EYA3: variants seen among roughly 807,000 people sequenced by gnomAD.
EYA3 encodes the protein protein phosphatase EYA3.
A neutral mutation model predicts 80.0 loss-of-function variants in EYA3; 39 were observed. The ratio of observed to expected loss-of-function variants is 0.49; its 90% CI spans 0.38 to 0.64. The LOEUF is 0.64. EYA3 is among the 30% of genes least tolerant of loss of function. EYA3 has a pLI of 0.00. For synonymous variants in EYA3, 206 were observed against 232.8 expected (o/e 0.88, Z 1.05); for missense variants, 523 against 676.1 (o/e 0.77, Z 2.51).
intron 8 of EYA3, 86 bp downstream of exon 8, chr1:28,017,068 C>G (rs1642117130): frequency 3.3e-6 from 4 of 1,195,034 alleles, no homozygotes; most frequent in Non-Finnish European, 4.9e-6. Flanking sequence ...CTGGTTGTTT[C>G]TTAGATAGGC....
rs769808039 is a variant in EYA3 at position 28,039,407 on chromosome 1, T to C, written c.158-502A>G. On this transcript the variant is annotated intron_variant, in intron 4 of 17. Transcript: ENST00000373871. ...CTGCTATGCATAATCAACAGCAGAA[T>C]AGATGCAAGTATGCTTCTATACTAT... Among the ~76,000 whole-genome samples the C allele has an allele frequency of 5.3e-5, 8 of 152,348 alleles. No homozygotes were observed. In the South Asian group the frequency reaches 6.2e-4, roughly 12 times the overall value.
intron 3 of EYA3, 116 bp downstream of exon 3, chr1:28,048,267 C>A: frequency 3.4e-6 from 2 of 593,544 alleles, no homozygotes; most frequent in East Asian, 3.0e-5. Context: ...CAAAATGTAA[C>A]AGCTGATGGT....
At position 28,047,734 on chromosome 1, in the gene EYA3, G is replaced by A. The variant is rs547783198; in HGVS notation, c.77+649C>T. Among the ~76,000 whole-genome samples, 5 of 151,752 alleles carry A rather than the reference G, an allele frequency of 3.3e-5. No individual in the cohort carries two copies. In the South Asian group the frequency reaches 1.0e-3, roughly 32 times the overall value. On this transcript the variant is annotated intron_variant, in intron 3 of 17. Transcript: ENST00000373871. Reference sequence around the variant, plus strand: ...GCTCACCGCAAGCTCCACCTCCCAGGTTCACACCATTCTCCTGCCTCAGCC... The same window carrying A: ...GCTCACCGCAAGCTCCACCTCCCAGATTCACACCATTCTCCTGCCTCAGCC...
At chr1:28,078,086 A>T (rs1219074963) in intron 1 of EYA3, among the ~76,000 whole-genome samples, 3 of 152,220 alleles carry the variant, frequency 2.0e-5, no homozygotes, top group Non-Finnish European at 4.4e-5. Context: ...AGTGTTTGTT[A>T]AAGAAAAATA....
At chr1:28,063,878 T>C (rs1045906623) in intron 1 of EYA3, among the ~76,000 whole-genome samples, 1 of 152,278 alleles carries the variant, frequency 6.6e-6, no homozygotes, top group East Asian at 1.9e-4. Context: ...TGAAATCACC[T>C]TAAGCAACCT....
chr1:27,979,334 C>A (rs549103237), intron 16 of EYA3, among the ~76,000 whole-genome samples: 7 of 152,286 alleles, frequency 4.6e-5, no homozygotes, highest in African/African-American at 9.6e-5. Context: ...GAGAGAACAG[C>A]CCCAGAATAG....
In EYA3 at chr1:28,086,803, T is replaced by C. The variant is rs533776748; in HGVS notation, c.-69+1721A>G. Reference sequence around the variant, plus strand: ...CTAGGTAGTGGGGAGGAGGTACACATAAGAAACTTTCAAAGAGGCTTCACT... The same window carrying C: ...CTAGGTAGTGGGGAGGAGGTACACACAAGAAACTTTCAAAGAGGCTTCACT... On this transcript the variant is annotated intron_variant, in intron 1 of 17. Transcript: ENST00000373871. 9.9e-5 allele frequency among the ~76,000 whole-genome samples: 15 copies of C among 152,198 alleles called. 1 individual carries two copies. Among genetic ancestry groups the C allele is most frequent in the Middle Eastern group, 3.4e-3 (1 of 294 alleles).
chr1:28,035,927 G>A (rs1204850337), intron 5 of EYA3, among the ~76,000 whole-genome samples: 4 of 152,026 alleles, frequency 2.6e-5, no homozygotes, highest in Non-Finnish European at 5.9e-5. Context: ...CAATTCTTCT[G>A]CCTCAGCCTC....
At chr1:28,042,437 C>A in intron 4 of EYA3, 134 bp downstream of exon 4, 1 of 706,738 alleles carries the variant, frequency 1.4e-6, no homozygotes, top group Non-Finnish European at 2.4e-6. Flanking sequence ...GATAAACACA[C>A]ACAAAAACAA....
intron 1 of EYA3, among the ~76,000 whole-genome samples, chr1:28,075,550 C>A (rs1645170828): frequency 6.6e-6 from 1 of 152,114 alleles, no homozygotes; most frequent in South Asian, 2.1e-4. Flanking sequence ...TCGATCTATC[C>A]CTTCCAGTGG....
chr1:28,038,079 T>G (rs1429002229), intron 5 of EYA3, among the ~76,000 whole-genome samples: 1 of 130,962 alleles, frequency 7.6e-6, no homozygotes, highest in African/African-American at 3.0e-5. Flanking sequence ...ACATAACCTC[T>G]TAGTGACTAA....
At chr1:28,073,127 ATTT>A (rs1180868021) in intron 1 of EYA3, among the ~76,000 whole-genome samples, 175 of 14,930 alleles carry the variant, frequency 0.012, no homozygotes, top group Non-Finnish European at 0.014. Context: ...ATATATATAT[ATTT>A]TTTTTTTTTT....
intron 2 of EYA3, among the ~76,000 whole-genome samples, chr1:28,055,996 T>A (rs35066303): frequency 6.3e-5 from 8 of 126,654 alleles, no homozygotes; most frequent in African/African-American, 3.2e-4. Flanking sequence ...TGTGAAAAGC[T>A]TTTTTTTTTT....
At chr1:27,999,020 C>T (rs1386530597) in intron 12 of EYA3, among the ~76,000 whole-genome samples, 6 of 152,180 alleles carry the variant, frequency 3.9e-5, no homozygotes, top group Non-Finnish European at 5.9e-5. Flanking sequence ...CTGCCCGCCT[C>T]GGCCTCCCAA....
At position 27,978,406 on chromosome 1, in the gene EYA3, C is replaced by T; in HGVS notation, c.1609G>A (p.Asp537Asn). 6.2e-7 allele frequency: 1 copy of T among 1,614,154 alleles called. No homozygotes were observed. Among genetic ancestry groups the T allele is most frequent in the Non-Finnish European group, 8.5e-7 (1 of 1,179,988 alleles). The change falls in exon 17 of 18, where the codon GAT (aspartate) becomes AAT (asparagine). Residue 537 changes from aspartate to asparagine, a missense_variant. By Grantham distance (23) the Asp-to-Asn change is conservative (BLOSUM62 1). This residue lies in a region of EYA3 where 219 missense variants were observed against 332.8 expected (regional missense o/e 0.66). Coordinates refer to ENST00000373871, the MANE Select transcript of EYA3 (RefSeq NM_001990.4). ...GCTGCAATTTCTTCATCTCGTCCAT[C>T]TCCAATCACTACATATGTGACTTTC... is the stretch of plus-strand genomic sequence containing the variant. ...GKKVTYVVIG[D>N]GRDEEIAAKQ... is the part of the protein sequence containing the mutation.
chr1:28,030,368 C>G (rs191468674), intron 6 of EYA3, among the ~76,000 whole-genome samples: 6 of 152,186 alleles, frequency 3.9e-5, no homozygotes, highest in Non-Finnish European at 5.9e-5. Flanking sequence ...TCATAGCTCA[C>G]TGCAGCCTCA....
chr1:28,069,549 A>T (rs1307635700), intron 1 of EYA3, among the ~76,000 whole-genome samples: 7 of 59,642 alleles, frequency 1.2e-4, no homozygotes, highest in Non-Finnish European at 2.0e-4. Flanking sequence ...CAATCTATTT[A>T]AAAAAAAAAA....
chr1:28,074,781 C>G (rs775502182), intron 1 of EYA3, among the ~76,000 whole-genome samples: 2 of 152,106 alleles, frequency 1.3e-5, no homozygotes, highest in Non-Finnish European at 2.9e-5. Context: ...CTCTTGAAAA[C>G]TAAACATTTT....
chr1:28,036,850 A>T (rs529040793), intron 5 of EYA3, among the ~76,000 whole-genome samples: 12 of 150,726 alleles, frequency 8.0e-5, no homozygotes, highest in Admixed American at 4.0e-4. Context: ...TAAAGGGGAA[A>T]TTTTTTTTTT....
Sources: gnomAD v4.1 joint callset for allele counts (sites outside exome capture counted in the v4.1 genomes callset) on GRCh38, gnomAD v4.1.1 for gene constraint, gnomAD v4.1.1 regional missense constraint, MANE v1.5 for transcripts, NCBI Gene and HGNC (gene_info 2026-07-23, HGNC 2026-07-21) for gene names.